The following HYAL4 variants were observed in gnomAD, a reference collection of about 807,000 sequenced individuals.
The protein encoded by HYAL4 is hyaluronidase 4.
Under a neutral mutation model 35.2 loss-of-function variants are expected in HYAL4, and 37 were observed. The ratio of observed to expected loss-of-function variants is 1.05; its 90% CI spans 0.81 to 1.38. The LOEUF (loss-of-function observed/expected upper bound fraction) is 1.38. Among genes scored for constraint, HYAL4 ranks in the 40% most tolerant of loss-of-function variants. The probability of loss-of-function intolerance (pLI) is 0.00; values close to 1 mark genes in which losing one functional copy is unlikely to be tolerated. For synonymous variants in HYAL4, 198 were observed against 203.2 expected (o/e 0.97, Z 0.22); for missense variants, 572 against 572.4 (o/e 1.00, Z 0.01).
the HYAL4 span, among the ~76,000 whole-genome samples, chr7:123,766,514 T>C: frequency 6.6e-6 from 1 of 152,168 alleles, no homozygotes; most frequent in Non-Finnish European, 1.5e-5. Flanking sequence ...GGTTGTGCCA[T>C]ATTAACTTAA....
the HYAL4 span, among the ~76,000 whole-genome samples, chr7:123,800,483 AAAAAAAAAAAAATTAAAAAAAAAG>A: frequency 2.6e-5 from 4 of 150,978 alleles, no homozygotes; most frequent in Middle Eastern, 6.8e-3. Context: ...AATTAAAAAA[AAAAAAAAAAAAATTAAAAAAAAAG>A]AAGTTTTTCT....
In HYAL4 at chr7:123,874,821, T is replaced by A; in HGVS notation, c.1015T>A (p.Trp339Arg). 6.2e-7 allele frequency: 1 copy of A among 1,606,006 alleles called. No homozygotes were observed. Among genetic ancestry groups the A allele is most frequent in the Non-Finnish European group, 8.5e-7 (1 of 1,172,518 alleles). ...CTTGGGAGCTGCAGGCATTGTTATTTGGGGAGACATGAATTTAACTGCATC... is the reference window on the plus strand; with the variant it reads ...CTTGGGAGCTGCAGGCATTGTTATTAGGGGAGACATGAATTTAACTGCATC... ...AALGAAGIVI[W>R]GDMNLTASKA... Residue 339 changes from tryptophan to arginine, a missense_variant, in exon 4 of 5, where the codon TGG becomes AGG. Physicochemically the swap from Trp to Arg is moderately radical, Grantham distance 101 (BLOSUM62 -3). Transcript: ENST00000223026.
chr7:123,793,918 A>T, the HYAL4 span, among the ~76,000 whole-genome samples: 1 of 152,222 alleles, frequency 6.6e-6, no homozygotes, highest in African/African-American at 2.4e-5. Context: ...AGAAGAAGAC[A>T]GGAAAATTTG....
At chr7:123,875,171 A>C (rs115358762) in intron 4 of HYAL4, among the ~76,000 whole-genome samples, 2 of 152,196 alleles carry the variant, frequency 1.3e-5, no homozygotes, top group Admixed American at 6.5e-5. Flanking sequence ...GAAACCAACT[A>C]GGTTAATAAC....
chr7:123,773,196 T>G, the HYAL4 span, among the ~76,000 whole-genome samples: 18,642 of 152,174 alleles, frequency 0.12, 1,318 homozygotes, highest in Admixed American at 0.19. Context: ...GTTTTCGCTG[T>G]TAATGCAACA....
the HYAL4 span, among the ~76,000 whole-genome samples, chr7:123,792,451 A>G: frequency 1.4e-3 from 211 of 152,272 alleles, 1 homozygote; most frequent in African/African-American, 4.9e-3. Flanking sequence ...TGTAAAATTA[A>G]TTGTGAAGGT....
chr7:123,855,474 G>T (rs1293991716), intron 2 of HYAL4, among the ~76,000 whole-genome samples: 1 of 152,082 alleles, frequency 6.6e-6, no homozygotes, highest in Admixed American at 6.6e-5. Flanking sequence ...AGTTGGGCTG[G>T]ATATAAAATT....
chr7:123,788,888 GTTC>G, the HYAL4 span, among the ~76,000 whole-genome samples: 1 of 152,164 alleles, frequency 6.6e-6, no homozygotes, highest in African/African-American at 2.4e-5. Context: ...TTTCAAGCCT[GTTC>G]TTTAGATAGC....
chr7:123,859,111 A>G (rs1181902255), intron 2 of HYAL4, among the ~76,000 whole-genome samples: 1 of 152,194 alleles, frequency 6.6e-6, no homozygotes, highest in Non-Finnish European at 1.5e-5. Flanking sequence ...AATCCAAGGA[A>G]AAAAGTTATC....
At chr7:123,828,461 C>CACACACCT (rs753667038), upstream of HYAL4, among the ~76,000 whole-genome samples, 1 of 150,954 alleles carries the variant, frequency 6.6e-6, no homozygotes, top group East Asian at 1.9e-4. Flanking sequence ...CACACACACA[C>CACACACCT]ACCTCTAAAA....
chr7:123,785,430 G>C, the HYAL4 span, among the ~76,000 whole-genome samples: 2 of 152,084 alleles, frequency 1.3e-5, no homozygotes, highest in African/African-American at 4.8e-5. The surrounding 1 kb of genome is among the most constrained non-coding windows in gnomAD (Gnocchi z 4.5). Flanking sequence ...TGTCTCACTT[G>C]GCTAGCTAGC....
the HYAL4 span, among the ~76,000 whole-genome samples, chr7:123,807,432 GTTTTTTTT>G: frequency 8.3e-6 from 1 of 120,802 alleles, no homozygotes; most frequent in African/African-American, 3.1e-5. Context: ...ACTTTTTATG[GTTTTTTTT>G]TTTTTTTTTT....
chr7:123,805,395 A>G, the HYAL4 span, among the ~76,000 whole-genome samples: 1 of 152,200 alleles, frequency 6.6e-6, no homozygotes, highest in African/African-American at 2.4e-5. Flanking sequence ...GAAGGTATAA[A>G]TGGAATTATA....
At chr7:123,774,987 A>T in the HYAL4 span, among the ~76,000 whole-genome samples, 1 of 152,188 alleles carries the variant, frequency 6.6e-6, no homozygotes, top group Non-Finnish European at 1.5e-5. Flanking sequence ...ATGTCCCTCT[A>T]CAAGAAACTT....
the HYAL4 span, among the ~76,000 whole-genome samples, chr7:123,778,935 G>A: frequency 6.6e-6 from 1 of 152,134 alleles, no homozygotes; most frequent in African/African-American, 2.4e-5. Context: ...AAGTAGATAT[G>A]AGAATCCAAA....
At chr7:123,800,688 G>T in the HYAL4 span, among the ~76,000 whole-genome samples, 1 of 150,962 alleles carries the variant, frequency 6.6e-6, no homozygotes, top group Non-Finnish European at 1.5e-5. Flanking sequence ...ACGCAGTCTA[G>T]CTCTGTCACC....
At chr7:123,855,358 C>T (rs182955331) in intron 2 of HYAL4, among the ~76,000 whole-genome samples, 126 of 151,838 alleles carry the variant, frequency 8.3e-4, no homozygotes, top group Non-Finnish European at 1.5e-3. Context: ...CCTTTCCATA[C>T]GTTTTGCTTC....
At chr7:123,806,030 A>G in the HYAL4 span, among the ~76,000 whole-genome samples, 2 of 152,146 alleles carry the variant, frequency 1.3e-5, no homozygotes, top group East Asian at 3.8e-4. Flanking sequence ...AATAAAATAT[A>G]TATGGAAATG....
chr7:123,873,591 G>A (rs149049948), intron 3 of HYAL4, among the ~76,000 whole-genome samples: 60 of 152,132 alleles, frequency 3.9e-4, no homozygotes, highest in Non-Finnish European at 7.2e-4. Context: ...GCGTTTAATT[G>A]GTAGAAATTC....
Sources: gnomAD v4.1 joint callset for allele counts (sites outside exome capture counted in the v4.1 genomes callset) on GRCh38, gnomAD v4.1.1 for gene constraint, Gnocchi (gnomAD v3.1) non-coding constraint, MANE v1.5 for transcripts, NCBI Gene and HGNC (gene_info 2026-07-23, HGNC 2026-07-21) for gene names.